Variants in SLC4A10 observed in about 807,000 individuals in gnomAD.
SLC4A10 encodes the protein solute carrier family 4 member 10.
SLC4A10 carries 42 observed loss-of-function variants against 137.7 expected under a neutral mutation model. The ratio of observed to expected loss-of-function variants is 0.30; its 90% CI spans 0.24 to 0.39. SLC4A10 has a LOEUF of 0.39. SLC4A10 is among the 10% of genes least tolerant of loss of function. SLC4A10 has a pLI of 1.00. For missense variants in SLC4A10, 925 were observed against 1,355.0 expected (o/e 0.68, Z 4.98); for synonymous variants, 474 against 464.1 (o/e 1.02, Z -0.27).
At chr2:161,873,675 G>A (rs2061287113) in intron 7 of SLC4A10, 1 of 384,588 alleles carries the variant, frequency 2.6e-6, no homozygotes, top group Non-Finnish European at 4.8e-6. Context: ...AAAGCCCTTA[G>A]CACTGGCAAT....
intron 7 of SLC4A10, 39 bp downstream of exon 7, chr2:161,872,423 T>C (rs757807462): frequency 2.0e-6 from 3 of 1,518,350 alleles, no homozygotes; most frequent in African/African-American, 2.7e-5. Flanking sequence ...AGTTGCTAAA[T>C]TACTACTAGA....
chr2:161,691,745 A>C (rs558908559), intron 1 of SLC4A10, among the ~76,000 whole-genome samples: 2 of 152,272 alleles, frequency 1.3e-5, no homozygotes, highest in African/African-American at 4.8e-5. Flanking sequence ...AGAGGAGATA[A>C]TCTTGTAGAG....
At chr2:161,953,800 A>C (rs948224908) in intron 19 of SLC4A10, among the ~76,000 whole-genome samples, 11 of 152,164 alleles carry the variant, frequency 7.2e-5, no homozygotes, top group Admixed American at 2.0e-4. Context: ...AAATTTGAGA[A>C]TGTGAAGTAT....
At chr2:161,650,178 G>T (rs772757206) in intron 1 of SLC4A10, among the ~76,000 whole-genome samples, 1 of 151,936 alleles carries the variant, frequency 6.6e-6, no homozygotes, top group East Asian at 1.9e-4. Flanking sequence ...TGTTTTTCAT[G>T]ATCTTGATAC....
chr2:161,835,354 G>C (rs1575191792), intron 3 of SLC4A10, among the ~76,000 whole-genome samples: 1 of 152,200 alleles, frequency 6.6e-6, no homozygotes, highest in East Asian at 1.9e-4. Context: ...CATGTCTTAT[G>C]TCCAAATCAT....
At chr2:161,780,636 G>A (rs191028222) in intron 2 of SLC4A10, among the ~76,000 whole-genome samples, 22 of 151,846 alleles carry the variant, frequency 1.4e-4, no homozygotes, top group Admixed American at 3.9e-4. Flanking sequence ...TCTTCAGAGC[G>A]GCTCATATAA....
rs567589197 is a variant in SLC4A10 at position 161,804,703 on chromosome 2, T to C, written c.277+108T>C. On this transcript the variant is annotated intron_variant, in intron 3 of 26. Transcript: ENST00000446997. Reference sequence around the variant, plus strand: ...ATACTCATAAAATTGTTTATACTTTTATAAAAGACTTTGGGCCGGTTGGAG... The same window carrying C: ...ATACTCATAAAATTGTTTATACTTTCATAAAAGACTTTGGGCCGGTTGGAG... The C allele has an allele frequency of 6.6e-6, 7 of 1,067,306 alleles. No homozygotes were observed. The South Asian group carries it at 1.9e-4, about 28-fold the overall frequency. 66.1% of individuals were successfully genotyped at this position (1,067,306 alleles called of 1,614,324 possible).
intron 15 of SLC4A10, among the ~76,000 whole-genome samples, chr2:161,939,630 C>A (rs1041554887): frequency 5.3e-5 from 8 of 152,198 alleles, no homozygotes; most frequent in Admixed American, 5.2e-4. Context: ...CCTTCTACCT[C>A]CCCACCCCCA....
Position 161,828,517 on chromosome 2 carries a change from A to G in SLC4A10, c.278-11272A>G, listed in dbSNP as rs1367391803. Among the ~76,000 whole-genome samples, 11 of 148,582 alleles carry G rather than the reference A, an allele frequency of 7.4e-5. No homozygotes were observed. The East Asian group carries it at 2.1e-3, about 29-fold the overall frequency. ...TCTATATATTTTAAATATGTAGTAT[A>G]ATTTTATATATGCTTATTTTTATTT... On this transcript the variant is annotated intron_variant, in intron 3 of 26. Coordinates refer to ENST00000446997, the MANE Select transcript of SLC4A10 (RefSeq NM_001178015.2).
chr2:161,653,215 G>A (rs1331080787), intron 1 of SLC4A10, among the ~76,000 whole-genome samples: 1 of 152,150 alleles, frequency 6.6e-6, no homozygotes, highest in Non-Finnish European at 1.5e-5. Flanking sequence ...ATTCCATGGT[G>A]TATATGTGCC....
intron 1 of SLC4A10, among the ~76,000 whole-genome samples, chr2:161,767,105 ATATATATATATATAT>A (rs1364220855): frequency 4.5e-4 from 23 of 51,300 alleles, no homozygotes; most frequent in African/African-American, 3.2e-3. Flanking sequence ...ATATATATAT[ATATATATATATATAT>A]ATATATATAT....
intron 1 of SLC4A10, among the ~76,000 whole-genome samples, chr2:161,716,364 T>C (rs1293010700): frequency 6.6e-6 from 1 of 152,184 alleles, no homozygotes; most frequent in Non-Finnish European, 1.5e-5. Context: ...TTTGCTTTTG[T>C]TGCAATTGCT....
At chr2:161,760,347 G>A (rs939096624) in intron 1 of SLC4A10, among the ~76,000 whole-genome samples, 1 of 151,686 alleles carries the variant, frequency 6.6e-6, no homozygotes, top group African/African-American at 2.4e-5. Context: ...CCCATCCATG[G>A]AATTTGCAAT....
chr2:161,672,602 G>A (rs957947421), intron 1 of SLC4A10, among the ~76,000 whole-genome samples: 2 of 151,682 alleles, frequency 1.3e-5, no homozygotes, highest in African/African-American at 2.4e-5. Context: ...CTTTTACTTC[G>A]AGGGGTGACA....
Position 161,766,097 on chromosome 2 carries a change from A to G in SLC4A10, c.49-4876A>G, listed in dbSNP as rs113277992. 9.5e-3 allele frequency among the ~76,000 whole-genome samples: 1,444 copies of G among 152,246 alleles called. 25 individuals carry two copies. Among genetic ancestry groups the G allele is most frequent in the African/African-American group, 0.033 (1,376 of 41,542 alleles). On this transcript the variant is annotated intron_variant, in intron 1 of 26. Coordinates refer to ENST00000446997, the MANE Select transcript of SLC4A10 (RefSeq NM_001178015.2). ...TGTGAAGCATCCAGTGAGTATTTAAAAGGCGTACTGTATATGAAGCTTCAA... is the reference window on the plus strand; with the variant it reads ...TGTGAAGCATCCAGTGAGTATTTAAGAGGCGTACTGTATATGAAGCTTCAA...
rs576422260 is a variant in SLC4A10 at position 161,812,445 on chromosome 2, G to T, written c.277+7850G>T. ...AGTATGTTGTATGATGCTGAGGTTT[G>T]GGGTACAGATGGTCCTATCACGCAG... On this transcript the variant is annotated intron_variant, in intron 3 of 26. Transcript: ENST00000446997. 3.3e-5 allele frequency among the ~76,000 whole-genome samples: 5 copies of T among 151,894 alleles called. No homozygotes were observed. In the South Asian group the frequency reaches 1.0e-3, roughly 32 times the overall value.
chr2:161,659,071 A>C (rs1161367275), intron 1 of SLC4A10, among the ~76,000 whole-genome samples: 14 of 152,212 alleles, frequency 9.2e-5, no homozygotes, highest in Non-Finnish European at 2.1e-4. Flanking sequence ...CAAAGGAAAA[A>C]AAAATCATTA....
At chr2:161,940,448 T>C (rs1007253535) in intron 15 of SLC4A10, among the ~76,000 whole-genome samples, 7 of 152,160 alleles carry the variant, frequency 4.6e-5, no homozygotes, top group South Asian at 2.1e-4. Flanking sequence ...GGGTTCCCAA[T>C]TATTAATGAG....
chr2:161,852,741 C>A (rs1334238512), intron 4 of SLC4A10, among the ~76,000 whole-genome samples: 1 of 152,032 alleles, frequency 6.6e-6, no homozygotes, highest in Non-Finnish European at 1.5e-5. Flanking sequence ...GGGAAATGGG[C>A]ACAGGCTCTG....
Sources: allele counts gnomAD v4.1 joint callset (sites outside exome capture counted in the v4.1 genomes callset), GRCh38; gene constraint gnomAD v4.1.1; transcripts MANE v1.5; gene names NCBI Gene and HGNC (gene_info 2026-07-23, HGNC 2026-07-21).